The following GTF2IRD1 variants were observed in gnomAD, a reference collection of about 807,000 sequenced individuals.
GTF2IRD1 encodes the protein general transcription factor II-I repeat domain-containing protein 1.
In GTF2IRD1, 26 loss-of-function variants were observed where a neutral mutation model predicts 113.2. The ratio of observed to expected loss-of-function variants is 0.23; its 90% CI spans 0.17 to 0.32. The LOEUF (loss-of-function observed/expected upper bound fraction) is 0.32. Among genes scored for constraint, GTF2IRD1 ranks in the 10% least tolerant of loss-of-function variants. GTF2IRD1 has a pLI of 1.00. For synonymous variants in GTF2IRD1, 484 were observed against 529.1 expected, an observed-to-expected ratio of 0.91 and a Z score of 1.17; for missense variants, 864 against 1,280.8, an observed-to-expected ratio of 0.67 and a Z score of 4.97.
chr7:74,564,307 G>A (rs1272840114), intron 22 of GTF2IRD1, among the ~76,000 whole-genome samples: 8 of 152,188 alleles, frequency 5.3e-5, no homozygotes, highest in African/African-American at 9.7e-5. Flanking sequence ...GATTACAGGC[G>A]TGAGCCACCG....
chr7:74,527,187 C>T (rs1412915808), intron 8 of GTF2IRD1, among the ~76,000 whole-genome samples: 1 of 152,070 alleles, frequency 6.6e-6, no homozygotes, highest in African/African-American at 2.4e-5. Context: ...GAAGGGTGAC[C>T]CATGAAAGTA....
chr7:74,473,726 C>T (rs1425584714), intron 1 of GTF2IRD1, among the ~76,000 whole-genome samples: 3 of 152,040 alleles, frequency 2.0e-5, no homozygotes, highest in Non-Finnish European at 4.4e-5. Context: ...TGCCCACTTC[C>T]AGGAACTGTC....
At chr7:74,574,130 T>G (rs1442792452) in intron 22 of GTF2IRD1, among the ~76,000 whole-genome samples, 1 of 150,236 alleles carries the variant, frequency 6.7e-6, no homozygotes, top group Non-Finnish European at 1.5e-5. Flanking sequence ...ATTACAGGCA[T>G]GCACCACCAC....
chr7:74,540,196 G>A (rs1274881877), intron 14 of GTF2IRD1, among the ~76,000 whole-genome samples: 3 of 152,128 alleles, frequency 2.0e-5, no homozygotes, highest in Non-Finnish European at 2.9e-5. Flanking sequence ...GCCCAGGCTG[G>A]AGTGCAGTGG....
intron 1 of GTF2IRD1, among the ~76,000 whole-genome samples, chr7:74,497,518 G>C (rs1195294142): frequency 6.6e-6 from 1 of 150,738 alleles, no homozygotes; most frequent in African/African-American, 2.4e-5. Context: ...GCCTCCCAAA[G>C]TGCTGGGATT....
intron 16 of GTF2IRD1, among the ~76,000 whole-genome samples, chr7:74,546,113 G>A (rs1490315866): frequency 1.3e-5 from 2 of 151,454 alleles, no homozygotes; most frequent in Non-Finnish European, 2.9e-5. Context: ...TCATCCCTCC[G>A]CCCTCACCCT....
Position 74,555,554 on chromosome 7 carries a change from G to C in GTF2IRD1, c.2023+60G>C, listed in dbSNP as rs1473023103. 1.7e-5 allele frequency: 19 copies of C among 1,112,182 alleles called. No individual in the cohort carries two copies. The Admixed American group carries it at 3.4e-4, about 20-fold the overall frequency. 68.9% of individuals were successfully genotyped at this position (1,112,182 alleles called of 1,614,324 possible). A position where few individuals can be genotyped will look rare whatever the true frequency, so the allele number is the denominator to read the frequency against. On this transcript the variant is annotated intron_variant, in intron 19 of 26. Coordinates refer to ENST00000424337, the MANE Select transcript of GTF2IRD1 (RefSeq NM_005685.4). The surrounding 1 kb of genome is among the most constrained non-coding windows in gnomAD (Gnocchi z 5.3). ...AGCACCAGGACATTGACCTGGTTTG[G>C]GTTTGGAGGGCCAGGCTGGAAGTGG...
chr7:74,571,735 C>T (rs1279191818), intron 22 of GTF2IRD1, among the ~76,000 whole-genome samples: 1 of 151,958 alleles, frequency 6.6e-6, no homozygotes, highest in Non-Finnish European at 1.5e-5. Flanking sequence ...GTGGCGTGTG[C>T]CTATAGTCCC....
chr7:74,501,506 C>T (rs1425275165), intron 1 of GTF2IRD1, among the ~76,000 whole-genome samples: 2 of 152,144 alleles, frequency 1.3e-5, no homozygotes, highest in African/African-American at 2.4e-5. Flanking sequence ...CAGCGAGAGT[C>T]GTCATGGCCG....
Position 74,558,902 on chromosome 7 carries a change from A to G in GTF2IRD1, c.2149A>G (p.Lys717Glu). ...GIKYPVQVPYKRIKSNPGSVI... is the reference protein window; with the variant it reads ...GIKYPVQVPYERIKSNPGSVI... ...CAAGTACCCGGTCCAGGTCCCCTAC[A>G]AGCGGATCAAGAGTAACCCCGGCTC... is the stretch of plus-strand genomic sequence containing the variant. The change falls in exon 21 of 27, where the codon AAG (lysine) becomes GAG (glutamate). Residue 717 changes from lysine (K) to glutamate (E), a missense_variant. Physicochemically the swap from Lys to Glu is moderately conservative, Grantham distance 56. Transcript: ENST00000424337. The G allele has an allele frequency of 6.2e-7, 1 of 1,613,956 alleles. No individual in the cohort carries two copies. The highest frequency in any genetic ancestry group is 8.5e-7 in the Non-Finnish European group (1 of 1,179,968).
chr7:74,559,769 A>T, intron 22 of GTF2IRD1, 114 bp downstream of exon 22: 2 of 803,916 alleles, frequency 2.5e-6, no homozygotes, highest in Non-Finnish European at 3.7e-6. Context: ...AACAGAAGCC[A>T]GGCCCCTGCC....
intron 1 of GTF2IRD1, among the ~76,000 whole-genome samples, chr7:74,505,455 G>A (rs1351043680): frequency 2.6e-5 from 4 of 152,178 alleles, no homozygotes; most frequent in Non-Finnish European, 2.9e-5. Flanking sequence ...CCGGATGACC[G>A]AGACAAGGAG....
chr7:74,495,810 A>C (rs1795625090), intron 1 of GTF2IRD1, among the ~76,000 whole-genome samples: 4 of 152,186 alleles, frequency 2.6e-5, no homozygotes, highest in Admixed American at 2.6e-4. Context: ...GGGCCTGCAG[A>C]CTGGAGTGTG....
rs1249129407 is a variant in GTF2IRD1, at chr7:74,555,253, G to A, written c.1966+30G>A. The A allele has an allele frequency of 3.1e-6, 5 of 1,607,412 alleles. No homozygotes were observed. Among genetic ancestry groups the A allele is most frequent in the Non-Finnish European group, 4.3e-6 (5 of 1,175,256 alleles). ...CCAGCGCGGGGTCGGGAGCCATGGT[G>A]TGGGCGGGCAAGGGAGGGCCCCAGG... On this transcript the variant is annotated intron_variant, in intron 18 of 26. Transcript: ENST00000424337. This position sits in a 1 kb window ranked among gnomAD's most constrained non-coding sequence, Gnocchi z 5.3.
chr7:74,502,807 C>T (rs1319447686), intron 1 of GTF2IRD1, among the ~76,000 whole-genome samples: 1 of 152,178 alleles, frequency 6.6e-6, no homozygotes, highest in Non-Finnish European at 1.5e-5. Flanking sequence ...GAATAGGGAA[C>T]ATCCCTAGAA....
chr7:74,477,363 CAA>C (rs5884947), intron 1 of GTF2IRD1, among the ~76,000 whole-genome samples: 1 of 133,850 alleles, frequency 7.5e-6, no homozygotes. Flanking sequence ...TTTTTGTGTC[CAA>C]AAAAAAAAGA....
chr7:74,531,254 C>A (rs1797948242), intron 9 of GTF2IRD1, among the ~76,000 whole-genome samples: 1 of 151,962 alleles, frequency 6.6e-6, no homozygotes, highest in South Asian at 2.1e-4. Context: ...GCCTGTAGTC[C>A]CAGCTACTCG....
intron 1 of GTF2IRD1, among the ~76,000 whole-genome samples, chr7:74,462,426 A>G (rs989381747): frequency 6.6e-6 from 1 of 152,174 alleles, no homozygotes; most frequent in Non-Finnish European, 1.5e-5. Flanking sequence ...TGTCACATAA[A>G]TGGAATCCTA....
At chr7:74,469,605 A>G (rs1160022139) in intron 1 of GTF2IRD1, among the ~76,000 whole-genome samples, 11 of 152,194 alleles carry the variant, frequency 7.2e-5, no homozygotes, top group Admixed American at 6.5e-4. Flanking sequence ...GCGTGAGTCA[A>G]TGTGCCTTTC....
Sources: gnomAD v4.1 joint callset for allele counts (sites outside exome capture counted in the v4.1 genomes callset) on GRCh38, gnomAD v4.1.1 for gene constraint, Gnocchi (gnomAD v3.1) non-coding constraint, MANE v1.5 for transcripts, NCBI Gene and HGNC (gene_info 2026-07-23, HGNC 2026-07-21) for gene names.